The following GPC1 variants were observed in gnomAD, a reference collection of about 807,000 sequenced individuals.
GPC1 encodes the protein glypican 1, also known as glypican-1.
GPC1 carries 26 observed loss-of-function variants against 51.5 expected under a neutral mutation model. The ratio of observed to expected loss-of-function variants is 0.50; its 90% CI spans 0.37 to 0.70. The LOEUF (loss-of-function observed/expected upper bound fraction) is 0.70, where lower values mean the gene tolerates loss of function less well. Among genes scored for constraint, GPC1 ranks in the 30% least tolerant of loss-of-function variants. GPC1 has a pLI of 0.00. For synonymous variants in GPC1, 380 were observed against 348.3 expected (o/e 1.09, Z -1.01); for missense variants, 775 against 800.5 (o/e 0.97, Z 0.38).
intron 1 of GPC1, chr2:240,451,262 G>A (rs1217808825): frequency 4.0e-5 from 19 of 470,948 alleles, no homozygotes; most frequent in South Asian, 2.2e-4. Context: ...GCAGATGGAC[G>A]GGCCTGCGCG....
intron 1 of GPC1, 57 bp from the exon 2 acceptor site, chr2:240,458,973 C>T (rs924551816): frequency 5.8e-6 from 9 of 1,544,920 alleles, no homozygotes; most frequent in Non-Finnish European, 7.1e-6. Context: ...TGAGGGTGCC[C>T]TCCTGGCTCC....
chr2:240,467,747 C>T lies in GPC1; in HGVS notation c.*1457C>T, dbSNP rs781007609. 6.6e-6 allele frequency: 1 copy of T among 152,288 alleles called. No individual in the cohort carries two copies. The highest frequency in any genetic ancestry group is 2.4e-5 in the African/African-American group (1 of 41,456). 9.4% of individuals were successfully genotyped at this position (152,288 alleles called of 1,614,324 possible). A position where few individuals can be genotyped will look rare whatever the true frequency, so the allele number is the denominator to read the frequency against. ...GTCCCCATGGCTTGTTCTCTGGAAC[C>T]TGACTTTAGATGTTTTGGGATCAGG... On this transcript the variant is annotated 3_prime_UTR_variant, in exon 9 of 9. Coordinates refer to ENST00000264039, the MANE Select transcript of GPC1 (RefSeq NM_002081.3).
chr2:240,456,558 C>G, intron 1 of GPC1: 1 of 467,000 alleles, frequency 2.1e-6, no homozygotes. Flanking sequence ...GCCACCCCCT[C>G]CCCCAGGCAC....
chr2:240,437,225 AG>A (rs531481037), intron 1 of GPC1, among the ~76,000 whole-genome samples: 2 of 151,198 alleles, frequency 1.3e-5, no homozygotes, highest in East Asian at 2.0e-4. Flanking sequence ...CATCTGGGTG[AG>A]GGGGGTCTGT....
At chr2:240,447,119 G>A (rs1252329840) in intron 1 of GPC1, among the ~76,000 whole-genome samples, 1 of 152,126 alleles carries the variant, frequency 6.6e-6, no homozygotes, top group South Asian at 2.1e-4. Flanking sequence ...GGGCCAGGCA[G>A]AGACGGGGCT....
intron 2 of GPC1, among the ~76,000 whole-genome samples, chr2:240,461,961 C>A (rs1223238756): frequency 1.3e-5 from 2 of 152,006 alleles, no homozygotes; most frequent in African/African-American, 4.8e-5. Context: ...GCCCTGAGAC[C>A]CGAGAGGACC....
At chr2:240,454,389 C>A (rs1382158746) in intron 1 of GPC1, among the ~76,000 whole-genome samples, 1 of 152,238 alleles carries the variant, frequency 6.6e-6, no homozygotes, top group Admixed American at 6.5e-5. Flanking sequence ...CCGGAGGATG[C>A]CACAGCCACC....
Position 240,462,235 on chromosome 2 carries a change from G to A in GPC1, c.370G>A (p.Ala124Thr), listed in dbSNP as rs1301098664. 2 of 1,610,214 alleles carry A rather than the reference G, an allele frequency of 1.2e-6. No homozygotes were observed. The highest frequency in any genetic ancestry group is 1.7e-6 in the Non-Finnish European group (2 of 1,178,534). ...GAACGACTCGGAGCGGACGCTGCAG[G>A]CCACCTTCCCCGGCGCCTTCGGAGA... ...LLNDSERTLQ[A>T]TFPGAFGELY... Residue 124 changes from alanine (A) to threonine (T), a missense_variant, in exon 3 of 9, where the codon GCC becomes ACC. Ala to Thr is a moderately conservative substitution (Grantham distance 58). Transcript: ENST00000264039.
chr2:240,460,656 G>A (rs773773094), intron 2 of GPC1, among the ~76,000 whole-genome samples: 5 of 152,154 alleles, frequency 3.3e-5, no homozygotes, highest in Admixed American at 6.5e-5. Context: ...CTGCCCTCTG[G>A]AAGCCTCCAG....
At chr2:240,453,862 C>T (rs1237157820) in intron 1 of GPC1, among the ~76,000 whole-genome samples, 1 of 152,144 alleles carries the variant, frequency 6.6e-6, no homozygotes. Context: ...TTTGTTCCGC[C>T]GCCGGGGCCG....
intron 1 of GPC1, among the ~76,000 whole-genome samples, chr2:240,447,397 G>A (rs757722774): frequency 1.2e-4 from 19 of 152,234 alleles, no homozygotes; most frequent in Non-Finnish European, 2.1e-4. Context: ...GCTCAGCGCC[G>A]TGAGGAGGGT....
intron 1 of GPC1, among the ~76,000 whole-genome samples, chr2:240,444,658 C>G (rs374033981): frequency 1.3e-5 from 2 of 152,164 alleles, no homozygotes; most frequent in Non-Finnish European, 1.5e-5. Context: ...CCCCAAACAC[C>G]GACGACAGCT....
intron 1 of GPC1, among the ~76,000 whole-genome samples, chr2:240,444,009 G>A (rs928076553): frequency 6.6e-6 from 1 of 152,242 alleles, no homozygotes; most frequent in Non-Finnish European, 1.5e-5. Flanking sequence ...TGGGGAGCTG[G>A]GCCAAGGCCA....
At chr2:240,465,400 AG>A (rs1485030139) in intron 7 of GPC1, 72 bp from the exon 8 acceptor site, 1 of 1,458,756 alleles carries the variant, frequency 6.9e-7, no homozygotes, top group Non-Finnish European at 9.5e-7. Flanking sequence ...AGCGTGGGAG[AG>A]TGTCCTGCTC....
chr2:240,436,536 C>T (rs965856848), intron 1 of GPC1, among the ~76,000 whole-genome samples: 1 of 152,214 alleles, frequency 6.6e-6, no homozygotes, highest in African/African-American at 2.4e-5. Flanking sequence ...GCGCCGCTGA[C>T]GGTGGCCGCG....
chr2:240,466,119 G>C lies in GPC1; in HGVS notation c.1506G>C (p.Lys502Asn). 6.2e-7 allele frequency: 1 copy of C among 1,612,964 alleles called. No homozygotes were observed. The highest frequency in any genetic ancestry group is 8.5e-7 in the Non-Finnish European group (1 of 1,179,894). Residue 502 changes from lysine (K) to asparagine (N), a missense_variant, in exon 9 of 9, where the codon AAG (lysine) becomes AAC (asparagine). Physicochemically the swap from Lys to Asn is moderately conservative, Grantham distance 94. Coordinates refer to ENST00000264039, the MANE Select transcript of GPC1 (RefSeq NM_002081.3). ...GTCTGGATGACCTCTGCAGCCGGAA[G>C]GTCAGCAGGAAGAGCTCCAGCTCCC... ...DGCLDDLCSR[K>N]VSRKSSSSRT...
At position 240,459,168 on chromosome 2, in the gene GPC1, C is replaced by T. The variant is rs970762280; in HGVS notation, c.305C>T (p.Thr102Ile). 2.5e-6 allele frequency: 4 copies of T among 1,612,216 alleles called. No homozygotes were observed. Among genetic ancestry groups the T allele is most frequent in the Non-Finnish European group, 3.4e-6 (4 of 1,179,700 alleles). ...SSRVLQAMLA[T>I]QLRSFDDHFQ... ...CGCGTCCTGCAGGCCATGCTTGCCA[C>T]CCAGCTGCGCAGCTTCGATGGTGAG... is the stretch of plus-strand genomic sequence containing the variant. Residue 102 changes from threonine (T) to isoleucine (I), a missense_variant, in exon 2 of 9, where the codon ACC becomes ATC. By Grantham distance (89) the Thr-to-Ile change is moderately conservative (BLOSUM62 -1). Coordinates refer to ENST00000264039, the MANE Select transcript of GPC1 (RefSeq NM_002081.3).
chr2:240,462,622 A>AC, intron 3 of GPC1, 40 bp downstream of exon 3: 1 of 1,489,308 alleles, frequency 6.7e-7, no homozygotes, highest in Non-Finnish European at 8.9e-7. Flanking sequence ...ACCCCTCCAG[A>AC]CCCCCATGCT....
chr2:240,444,501 C>T (rs565599826), intron 1 of GPC1, among the ~76,000 whole-genome samples: 10 of 152,308 alleles, frequency 6.6e-5, no homozygotes, highest in East Asian at 1.9e-4. Context: ...CAGAACAGCA[C>T]GTCTCCCTCC....
Sources: allele counts gnomAD v4.1 joint callset (sites outside exome capture counted in the v4.1 genomes callset), GRCh38; gene constraint gnomAD v4.1.1; transcripts MANE v1.5; gene names NCBI Gene and HGNC (gene_info 2026-07-23, HGNC 2026-07-21).